The following PAK5 variants were observed in gnomAD, a reference collection of about 807,000 sequenced individuals.
The protein encoded by PAK5 is serine/threonine-protein kinase PAK 5.
In PAK5, 16 loss-of-function variants were observed where a neutral mutation model predicts 65.9. The ratio of observed to expected loss-of-function variants is 0.24; its 90% CI spans 0.16 to 0.37. PAK5 has a LOEUF of 0.37. Ranked by LOEUF, PAK5 falls within the 10% of genes least tolerant of loss-of-function variation. PAK5 has a pLI of 1.00. For synonymous variants in PAK5, 371 were observed against 354.9 expected (o/e 1.05, Z -0.51); for missense variants, 785 against 903.9 (o/e 0.87, Z 1.69).
intron 1 of PAK5, among the ~76,000 whole-genome samples, chr20:9,807,762 A>AAACAATAATAATAAT (rs1555929890): frequency 1.4e-5 from 2 of 142,326 alleles, no homozygotes; most frequent in Non-Finnish European, 3.0e-5. Context: ...AGCAAAAAAT[A>AAACAATAATAATAAT]AATAATAATA....
chr20:9,819,361 A>T (rs972043428), intron 1 of PAK5, among the ~76,000 whole-genome samples: 1 of 152,176 alleles, frequency 6.6e-6, no homozygotes, highest in Non-Finnish European at 1.5e-5. Context: ...ACAAGAGGAT[A>T]GGGCTAAAGA....
At chr20:9,748,426 G>C (rs1173916418) in intron 1 of PAK5, among the ~76,000 whole-genome samples, 1 of 152,108 alleles carries the variant, frequency 6.6e-6, no homozygotes, top group Non-Finnish European at 1.5e-5. Flanking sequence ...CATGCTACCT[G>C]ACTTCAAACT....
intron 2 of PAK5, among the ~76,000 whole-genome samples, chr20:9,708,297 TTTGGTTAACC>T: frequency 6.6e-6 from 1 of 152,234 alleles, no homozygotes; most frequent in African/African-American, 2.4e-5. Context: ...CTTCAGATAA[TTTGGTTAACC>T]TTGATGAGTC....
At chr20:9,710,590 G>A (rs773886876) in intron 2 of PAK5, among the ~76,000 whole-genome samples, 3 of 152,112 alleles carry the variant, frequency 2.0e-5, no homozygotes, top group Non-Finnish European at 4.4e-5. Flanking sequence ...TTTTATGTGG[G>A]TAAGAGCACC....
At chr20:9,678,284 G>A (rs1008230702) in intron 2 of PAK5, among the ~76,000 whole-genome samples, 2 of 152,136 alleles carry the variant, frequency 1.3e-5, no homozygotes, top group Non-Finnish European at 2.9e-5. Flanking sequence ...AGACATACCC[G>A]AGGCCAGGCA....
In PAK5 at chr20:9,838,273, C is replaced by T. The variant is rs1979317417; in HGVS notation, c.-162+489G>A. On this transcript the variant is annotated intron_variant, in intron 1 of 9. Transcript: ENST00000353224. The surrounding 1 kb of genome is among the most constrained non-coding windows in gnomAD (Gnocchi z 4.5). ...ATAAAGGCTCAGCTATTGCATCCTC[C>T]AGTCCACACCTGCCAAAAGACAAAA... Among the ~76,000 whole-genome samples, 1 of 152,118 alleles carries T rather than the reference C, an allele frequency of 6.6e-6. No homozygotes were observed. Among genetic ancestry groups the T allele is most frequent in the African/African-American group, 2.4e-5 (1 of 41,416 alleles).
chr20:9,622,975 T>C (rs1014086051), intron 3 of PAK5, among the ~76,000 whole-genome samples: 3 of 152,252 alleles, frequency 2.0e-5, no homozygotes, highest in Admixed American at 1.3e-4. Flanking sequence ...TGATGTGTTA[T>C]AAAATTGCTA....
rs539219189 is a variant in PAK5 at position 9,689,363 on chromosome 20, C to T, written c.-12+21923G>A. Among the ~76,000 whole-genome samples, 55 of 152,294 alleles carry T rather than the reference C, an allele frequency of 3.6e-4. No individual in the cohort carries two copies. The South Asian group carries it at 0.011, about 31-fold the overall frequency. On this transcript the variant is annotated intron_variant, in intron 2 of 9. Coordinates refer to ENST00000353224, the MANE Select transcript of PAK5 (RefSeq NM_177990.4). ...GTCTACTCAGCCAAATACCAATTAC[C>T]TGCATTTGGTGTTACGATGACTTCA... is the stretch of plus-strand genomic sequence containing the variant.
chr20:9,580,716 T>A lies in PAK5; in HGVS notation c.419A>T (p.Asp140Val), dbSNP rs2123018510. ...QYSSESDTTA[D>V]YTTEKYREKS... ...CTCCCTGTACTTTTCGGTCGTGTAG[T>A]CAGCAGTAGTATCGGATTCGCTGGA... Residue 140 changes from aspartate to valine, a missense_variant, in exon 4 of 10, where the codon GAC becomes GTC. This residue lies in a region of PAK5 where 422 missense variants were observed against 413.3 expected (regional missense o/e 1.02). Coordinates refer to ENST00000353224, the MANE Select transcript of PAK5 (RefSeq NM_177990.4). The A allele has an allele frequency of 6.2e-7, 1 of 1,614,008 alleles. No homozygotes were observed. The highest frequency in any genetic ancestry group is 8.5e-7 in the Non-Finnish European group (1 of 1,179,964).
chr20:9,711,263 CA>C (rs1383918581), intron 2 of PAK5, 22 bp downstream of exon 2: 1 of 152,166 alleles, frequency 6.6e-6, no homozygotes, highest in East Asian at 1.9e-4. Flanking sequence ...AGGACAAAAC[CA>C]TAAGGTAATT....
intron 2 of PAK5, among the ~76,000 whole-genome samples, chr20:9,706,491 T>C: frequency 6.6e-6 from 1 of 151,646 alleles, no homozygotes; most frequent in East Asian, 1.9e-4. Context: ...TTTTTTTTCT[T>C]TTTAAGACAG....
chr20:9,807,975 T>C (rs895940328), intron 1 of PAK5, among the ~76,000 whole-genome samples: 2 of 151,930 alleles, frequency 1.3e-5, no homozygotes, highest in Admixed American at 6.6e-5. Flanking sequence ...ATACAAAAGA[T>C]TTTATTGTGG....
At chr20:9,628,994 T>G (rs2046885970) in intron 3 of PAK5, among the ~76,000 whole-genome samples, 1 of 152,228 alleles carries the variant, frequency 6.6e-6, no homozygotes, top group African/African-American at 2.4e-5. Flanking sequence ...TGAGTCGGCT[T>G]GCCTATGGGG....
intron 1 of PAK5, among the ~76,000 whole-genome samples, chr20:9,739,077 T>C (rs1470940827): frequency 6.6e-6 from 1 of 152,174 alleles, no homozygotes; most frequent in East Asian, 1.9e-4. Context: ...ACACAGGGAT[T>C]ATTCTTCCTT....
chr20:9,768,981 C>T lies in PAK5; in HGVS notation c.-161-57546G>A, dbSNP rs138689294. ...TTTCAGTTTTGCTATCTAATTGCCC[C>T]GTTCATTTCTTTAAAAGGATTTTAA... is the stretch of plus-strand genomic sequence containing the variant. On this transcript the variant is annotated intron_variant, in intron 1 of 9. Transcript: ENST00000353224. Among the ~76,000 whole-genome samples the T allele has an allele frequency of 1.9e-4, 29 of 152,116 alleles. No homozygotes were observed. In the East Asian group the frequency reaches 4.8e-3, roughly 25 times the overall value.
At chr20:9,539,646 G>T (rs1451266327) in intron 9 of PAK5, 29 bp from the exon 10 acceptor site, 1 of 1,603,870 alleles carries the variant, frequency 6.2e-7, no homozygotes, top group East Asian at 2.2e-5. Context: ...ACCAATCTGA[G>T]GACTAACACA....
chr20:9,679,799 T>G (rs951251683), intron 2 of PAK5, among the ~76,000 whole-genome samples: 1 of 152,170 alleles, frequency 6.6e-6, no homozygotes, highest in Non-Finnish European at 1.5e-5. Context: ...GAACAAAGCA[T>G]GTCTTCATGT....
At chr20:9,834,567 T>C (rs1978997190) in intron 1 of PAK5, among the ~76,000 whole-genome samples, 1 of 152,114 alleles carries the variant, frequency 6.6e-6, no homozygotes, top group Non-Finnish European at 1.5e-5. Context: ...TCTATATATG[T>C]GCAGATACCT....
At position 9,641,661 on chromosome 20, in the gene PAK5, T is replaced by TC. The variant is rs1188160019; in HGVS notation, c.204+2463dup. Reference sequence around the variant, plus strand: ...AGGGGGTGGTGCTCGTCAGGGAGGCTCGGCCGCACAGGAGCCCATGGAGTG... The same window carrying TC: ...AGGGGGTGGTGCTCGTCAGGGAGGCTCCGGCCGCACAGGAGCCCATGGAGTG... On this transcript the variant is annotated intron_variant, in intron 3 of 9. Transcript: ENST00000353224. 5.3e-5 allele frequency among the ~76,000 whole-genome samples: 8 copies of TC among 151,924 alleles called. No individual in the cohort carries two copies. The South Asian group carries it at 1.3e-3, about 24-fold the overall frequency.
Sources: gnomAD v4.1 joint callset for allele counts (sites outside exome capture counted in the v4.1 genomes callset) on GRCh38, gnomAD v4.1.1 for gene constraint, gnomAD v4.1.1 regional missense constraint, Gnocchi (gnomAD v3.1) non-coding constraint, MANE v1.5 for transcripts, NCBI Gene and HGNC (gene_info 2026-07-23, HGNC 2026-07-21) for gene names.